Variants in XG observed in about 807,000 individuals in gnomAD.
The protein encoded by XG is glycoprotein Xg.
Under a neutral mutation model 25.7 loss-of-function variants are expected in XG, and 24 were observed. The ratio of observed to expected loss-of-function variants is 0.93; its 90% CI spans 0.68 to 1.31. The LOEUF (loss-of-function observed/expected upper bound fraction) is 1.31, where lower values mean the gene tolerates loss of function less well. Among genes scored for constraint, XG ranks in the 40% most tolerant of loss-of-function variants. The probability of loss-of-function intolerance (pLI) is 0.00; values close to 1 mark genes in which losing one functional copy is unlikely to be tolerated. For missense variants in XG, 181 were observed against 187.6 expected (o/e 0.96, Z 0.21); for synonymous variants, 77 against 69.2 (o/e 1.11, Z -0.56).
intron 1 of XG, among the ~76,000 whole-genome samples, chrX:2,754,686 G>A (rs1354415202): frequency 6.6e-6 from 1 of 152,204 alleles, no homozygotes; most frequent in African/African-American, 2.4e-5. Context: ...GAAGAACTTG[G>A]AGTCTGATGT....
intron 1 of XG, among the ~76,000 whole-genome samples, chrX:2,761,652 A>G (rs1318390191): frequency 1.3e-5 from 2 of 151,538 alleles, no homozygotes; most frequent in East Asian, 1.9e-4. Flanking sequence ...TCTGTTGCTT[A>G]TAAGCCACCC....
chrX:2,772,430 C>G (rs3869940), intron 2 of XG, among the ~76,000 whole-genome samples: 2 of 152,196 alleles, frequency 1.3e-5, no homozygotes, highest in Non-Finnish European at 1.5e-5. Context: ...AGCCTTGAAA[C>G]TGTGCTCAGT....
chrX:2,796,778 G>A (rs2086890240), intron 6 of XG, among the ~76,000 whole-genome samples: 1 of 111,681 alleles, frequency 9.0e-6, no homozygotes, highest in South Asian at 3.7e-4. Context: ...TGCAAAGCTG[G>A]ACCTGCATCT....
At chrX:2,768,706 T>G (rs1382686371) in intron 1 of XG, among the ~76,000 whole-genome samples, 1 of 152,062 alleles carries the variant, frequency 6.6e-6, no homozygotes, top group East Asian at 1.9e-4. Flanking sequence ...AGGTGGGAGT[T>G]GCAGTGGGCT....
At chrX:2,767,999 G>A (rs1326116017) in intron 1 of XG, among the ~76,000 whole-genome samples, 2 of 152,130 alleles carry the variant, frequency 1.3e-5, no homozygotes, top group East Asian at 1.9e-4. Context: ...AGGGTCATCC[G>A]GAGCATCTCA....
Position 2,774,983 on chromosome X carries a change from G to A in XG, c.127+244G>A, listed in dbSNP as rs757219240. 228 of 565,710 alleles carry A rather than the reference G, an allele frequency of 4.0e-4. No homozygotes were observed. The Middle Eastern group carries it at 5.6e-3, about 14-fold the overall frequency. 35.0% of individuals were successfully genotyped at this position (565,710 alleles called of 1,614,324 possible). On this transcript the variant is annotated intron_variant, in intron 3 of 10. Coordinates refer to ENST00000644266, the MANE Select transcript of XG (RefSeq NM_001141919.2). Reference sequence around the variant, plus strand: ...CTAAAATGGAAAATAACAAGTGTTGGCAAGGATGTGATGAAACTGGAATGT... The same window carrying A: ...CTAAAATGGAAAATAACAAGTGTTGACAAGGATGTGATGAAACTGGAATGT...
intron 1 of XG, among the ~76,000 whole-genome samples, chrX:2,760,753 AAAAG>A (rs1256723714): frequency 3.3e-5 from 5 of 150,870 alleles, no homozygotes; most frequent in African/African-American, 1.2e-4. Context: ...AAAAAAAAAA[AAAAG>A]AGGTGATTCA....
chrX:2,797,439 C>A lies in XG; in HGVS notation c.373+79C>A, dbSNP rs1291775838. 3 of 1,077,178 alleles carry A rather than the reference C, an allele frequency of 2.8e-6. No individual in the cohort carries two copies. The African/African-American group carries it at 5.6e-5, about 20-fold the overall frequency. The allele number at this position is 1,077,178 out of a possible 1,213,427, so 88.8% of individuals were successfully genotyped here. A position where few individuals can be genotyped will look rare whatever the true frequency, so the allele number is the denominator to read the frequency against. On this transcript the variant is annotated intron_variant, in intron 7 of 10. Transcript: ENST00000644266. ...TTCTAGGGCTCCCGCTTGCACTCTG[C>A]CCTGGGCCTTCTACCTGGAGTCTTT...
At chrX:2,788,333 G>A (rs1212560196) in intron 4 of XG, among the ~76,000 whole-genome samples, 1 of 112,289 alleles carries the variant, frequency 8.9e-6, no homozygotes, top group East Asian at 2.8e-4. Context: ...CTAGTCCAGC[G>A]ACAAAAAGGT....
chrX:2,777,160 G>C (rs1038379067), intron 3 of XG, among the ~76,000 whole-genome samples: 5 of 152,054 alleles, frequency 3.3e-5, no homozygotes, highest in Non-Finnish European at 7.4e-5. Context: ...CAAACAAGCC[G>C]GTAAAACTAA....
chrX:2,757,911 G>C (rs1248166213), intron 1 of XG, among the ~76,000 whole-genome samples: 1 of 142,184 alleles, frequency 7.0e-6, no homozygotes, highest in Non-Finnish European at 1.5e-5. Flanking sequence ...GGCGGAGGTT[G>C]CAATCAGCTG....
chrX:2,770,014 T>TGGGGGGGGGGGG (rs2050778093), intron 1 of XG, among the ~76,000 whole-genome samples: 1 of 82,894 alleles, frequency 1.2e-5, no homozygotes, highest in Admixed American at 1.4e-4. Context: ...TCTGTGCGTG[T>TGGGGGGGGGGGG]GTGGAGGGGT....
intron 5 of XG, among the ~76,000 whole-genome samples, chrX:2,793,971 G>T (rs748424434): frequency 2.0e-4 from 22 of 110,885 alleles, no homozygotes; most frequent in African/African-American, 3.9e-4. Flanking sequence ...CTAGGGAGGG[G>T]CAGGACATGA....
rs12395656 is a variant in XG, at chrX:2,808,207, T to C, written c.441T>C (p.Tyr147=). ...NTYGGDHHST[Y]GNPEGNMVAK... ...CAGGTGGAGATCACCATTCAACGTA[T>C]GGCAATCCAGAAGGTAACTGATTGA... Residue 147 remains tyrosine (Y), a synonymous_variant, in exon 9 of 11, where the codon TAT becomes TAC. Transcript: ENST00000644266. 2.3e-3 allele frequency: 2,766 copies of C among 1,209,284 alleles called. 47 individuals are homozygous for C. In the African/African-American group the frequency reaches 0.04, roughly 18 times the overall value.
intron 3 of XG, among the ~76,000 whole-genome samples, chrX:2,778,805 G>A (rs2534631): frequency 0.29 from 43,753 of 148,848 alleles, 3,382 homozygotes; most frequent in African/African-American, 0.39. Flanking sequence ...ATGGAGTCTC[G>A]CTCTGTCACC....
At chrX:2,757,929 A>G (rs992329184) in intron 1 of XG, among the ~76,000 whole-genome samples, 2 of 144,476 alleles carry the variant, frequency 1.4e-5, no homozygotes, top group East Asian at 2.1e-4. Context: ...CTGAGATCAT[A>G]CCACTGCACT....
At position 2,787,582 on chromosome X, in the gene XG, C is replaced by T. The variant is rs181874928; in HGVS notation, c.191-2062C>T. Among the ~76,000 whole-genome samples, 474 of 111,273 alleles carry T rather than the reference C, an allele frequency of 4.3e-3. 4 individuals carry two copies. Among genetic ancestry groups the T allele is most frequent in the African/African-American group, 0.015 (449 of 30,663 alleles). On this transcript the variant is annotated intron_variant, in intron 4 of 10. Transcript: ENST00000644266. ...TGTTTGGCCCCCAAGTTTCCATAAT[C>T]CCCCACAGTTGTATCATTTTAGAGA... is the stretch of plus-strand genomic sequence containing the variant.
intron 1 of XG, among the ~76,000 whole-genome samples, chrX:2,763,045 G>T (rs2050599638): frequency 6.6e-6 from 1 of 152,104 alleles, no homozygotes; most frequent in Non-Finnish European, 1.5e-5. Flanking sequence ...ATGGAGTCTT[G>T]CTCTGTCACC....
At chrX:2,781,980 T>G in intron 3 of XG, 86 bp from the exon 4 acceptor site, 2 of 975,077 alleles carry the variant, frequency 2.1e-6, no homozygotes, top group Non-Finnish European at 2.9e-6. Context: ...AGGTCGATAG[T>G]CACGCTGATG....
Sources: allele counts gnomAD v4.1 joint callset (sites outside exome capture counted in the v4.1 genomes callset), GRCh38; gene constraint gnomAD v4.1.1; transcripts MANE v1.5; gene names NCBI Gene and HGNC (gene_info 2026-07-23, HGNC 2026-07-21).